TGS1: variants seen among roughly 807,000 people sequenced by gnomAD.
The protein encoded by TGS1 is trimethylguanosine synthase 1.
A neutral mutation model predicts 92.2 loss-of-function variants in TGS1; 69 were observed. The observed-to-expected ratio is 0.75, with a 90% CI of 0.62 to 0.91. TGS1 has a LOEUF of 0.91. TGS1 is among the 40% of genes least tolerant of loss of function. The pLI is 0.00. For missense variants in TGS1, 1,062 were observed against 1,001.2 expected (o/e 1.06, Z -0.82); for synonymous variants, 345 against 338.1 (o/e 1.02, Z -0.22).
intron 1 of TGS1, among the ~76,000 whole-genome samples, chr8:55,777,176 T>G (rs980533648): frequency 4.6e-5 from 7 of 151,930 alleles, no homozygotes; most frequent in Non-Finnish European, 1.0e-4. Flanking sequence ...CCTGCCTGAT[T>G]TTTTTATTTT....
intron 8 of TGS1, among the ~76,000 whole-genome samples, chr8:55,800,850 G>A (rs955463551): frequency 6.6e-6 from 1 of 152,198 alleles, no homozygotes; most frequent in African/African-American, 2.4e-5. Flanking sequence ...CCATTTGAGT[G>A]TGTAATGGAG....
At chr8:55,820,878 T>A (rs554294619) in intron 12 of TGS1, among the ~76,000 whole-genome samples, 1 of 152,308 alleles carries the variant, frequency 6.6e-6, no homozygotes, top group Non-Finnish European at 1.5e-5. Flanking sequence ...CTCTCACAAT[T>A]TACTAAATTC....
intron 10 of TGS1, among the ~76,000 whole-genome samples, 160 bp downstream of exon 10, chr8:55,805,196 G>A (rs1812332350): frequency 6.6e-6 from 1 of 152,064 alleles, no homozygotes; most frequent in South Asian, 2.1e-4. Flanking sequence ...CATATACTTT[G>A]TATTGCATAC....
chr8:55,805,971 A>G (rs1217169430), intron 10 of TGS1, among the ~76,000 whole-genome samples: 1 of 151,280 alleles, frequency 6.6e-6, no homozygotes, highest in Non-Finnish European at 1.5e-5. Context: ...AGATGAGAGG[A>G]TGACCTGAGC....
Position 55,811,095 on chromosome 8 carries a change from T to C in TGS1, c.2358T>C (p.Asp786=). The change falls in exon 11 of 13, where the codon GAT becomes GAC. Residue 786 remains aspartate, a splice_region_variant and synonymous_variant. Transcript: ENST00000260129. The stretch of plus-strand genomic sequence containing the variant: ...ACATTAGAACAATGATGTCTCCTGA[T>C]GGATATCCTTTGGAAGTCTTAAGAG... ...TFDIRTMMSP[D]GFEIFRLSKK... 1.2e-6 allele frequency: 2 copies of C among 1,608,044 alleles called. No homozygotes were observed. Among genetic ancestry groups the C allele is most frequent in the Non-Finnish European group, 8.5e-7 (1 of 1,177,338 alleles).
At chr8:55,814,967 G>C (rs914936334) in intron 12 of TGS1, among the ~76,000 whole-genome samples, 4 of 152,014 alleles carry the variant, frequency 2.6e-5, no homozygotes, top group African/African-American at 9.7e-5. Flanking sequence ...TAGACTGCCA[G>C]ATAAGGTTGA....
rs548629979 is a variant in TGS1 at position 55,794,175 on chromosome 8, T to G, written c.1367+1391T>G. On this transcript the variant is annotated intron_variant, in intron 6 of 12. Transcript: ENST00000260129. ...GATTATTACATGTGCCTGCCTGCCT[T>G]CCTTCCTTAGGGTCTCGCTCTGTAA... 5.3e-5 allele frequency among the ~76,000 whole-genome samples: 8 copies of G among 152,312 alleles called. No homozygotes were observed. In the East Asian group the frequency reaches 1.5e-3, roughly 29 times the overall value.
chr8:55,825,579 G>A lies in TGS1; in HGVS notation c.*876G>A, dbSNP rs1245955892. The A allele has an allele frequency of 1.3e-5, 2 of 152,176 alleles. No individual in the cohort carries two copies. The highest frequency in any genetic ancestry group is 2.9e-5 in the Non-Finnish European group (2 of 68,042). 9.4% of individuals were successfully genotyped at this position (152,176 alleles called of 1,614,324 possible). A position where few individuals can be genotyped will look rare whatever the true frequency, so the allele number is the denominator to read the frequency against. Reference sequence around the variant, plus strand: ...TGGGACTTCTATATTTTAATAATATGAGCGTGTTAAACATTAAACAGAACA... The same window carrying A: ...TGGGACTTCTATATTTTAATAATATAAGCGTGTTAAACATTAAACAGAACA... On this transcript the variant is annotated 3_prime_UTR_variant, in exon 13 of 13. Coordinates refer to ENST00000260129, the MANE Select transcript of TGS1 (RefSeq NM_024831.8).
chr8:55,802,282 C>T (rs938698490), intron 8 of TGS1, among the ~76,000 whole-genome samples, 175 bp from the exon 9 acceptor site: 13 of 152,172 alleles, frequency 8.5e-5, no homozygotes, highest in African/African-American at 2.7e-4. Flanking sequence ...TAGCAAAATG[C>T]TGGTGGTGAT....
At chr8:55,802,066 C>T (rs28535632) in intron 8 of TGS1, among the ~76,000 whole-genome samples, 22,826 of 151,960 alleles carry the variant, frequency 0.15, 1,996 homozygotes, top group African/African-American at 0.24. Context: ...TGGTGACGGG[C>T]GCCTGTAGTC....
chr8:55,816,794 A>G (rs1167797364), intron 12 of TGS1, among the ~76,000 whole-genome samples: 2 of 152,192 alleles, frequency 1.3e-5, no homozygotes, highest in African/African-American at 4.8e-5. Flanking sequence ...CAAATTAACT[A>G]ATACTTAAAT....
At chr8:55,821,814 A>C (rs1803646420) in intron 12 of TGS1, among the ~76,000 whole-genome samples, 2 of 151,910 alleles carry the variant, frequency 1.3e-5, no homozygotes, top group Admixed American at 1.3e-4. Context: ...CAGAGCTTGC[A>C]GTACTAGCCG....
intron 6 of TGS1, 71 bp downstream of exon 6, chr8:55,792,855 C>G: frequency 1.1e-6 from 1 of 913,508 alleles, no homozygotes; most frequent in Non-Finnish European, 1.8e-6. Flanking sequence ...CACTCTGATA[C>G]TCAGATAACT....
At chr8:55,811,126 TG>T in intron 11 of TGS1, 29 bp downstream of exon 11, 2 of 1,337,566 alleles carry the variant, frequency 1.5e-6, no homozygotes, top group Admixed American at 3.9e-5. Context: ...AAGAGTTTAC[TG>T]AAACAATGAT....
chr8:55,782,721 A>G, intron 1 of TGS1, 27 bp from the exon 2 acceptor site: 2 of 1,566,312 alleles, frequency 1.3e-6, no homozygotes, highest in East Asian at 2.3e-5. Flanking sequence ...ATTCATTTCA[A>G]TATGAACTGC....
chr8:55,822,076 C>CTT (rs1323862618), intron 12 of TGS1, among the ~76,000 whole-genome samples: 1 of 144,524 alleles, frequency 6.9e-6, no homozygotes, highest in Admixed American at 6.9e-5. Context: ...TTCTTTCTTT[C>CTT]TTTTTTTTTT....
chr8:55,784,435 G>T (rs796251873), intron 2 of TGS1, among the ~76,000 whole-genome samples: 1 of 152,054 alleles, frequency 6.6e-6, no homozygotes, highest in South Asian at 2.1e-4. Context: ...TCTCACCTCA[G>T]CCTCCCAAGT....
intron 2 of TGS1, among the ~76,000 whole-genome samples, chr8:55,784,407 T>TG (rs1414298659): frequency 1.3e-5 from 2 of 152,080 alleles, no homozygotes; most frequent in African/African-American, 4.8e-5. Context: ...GTCTGAGTGG[T>TG]GATCGCTTAA....
intron 8 of TGS1, 31 bp from the exon 9 acceptor site, chr8:55,802,426 G>T: frequency 6.3e-7 from 1 of 1,579,054 alleles, no homozygotes. Context: ...TTTTCTTAGT[G>T]AGCATCTATA....
Sources: gnomAD v4.1 joint callset for allele counts (sites outside exome capture counted in the v4.1 genomes callset) on GRCh38, gnomAD v4.1.1 for gene constraint, MANE v1.5 for transcripts, NCBI Gene and HGNC (gene_info 2026-07-23, HGNC 2026-07-21) for gene names.